Variants in SLC43A2 observed in about 807,000 individuals in gnomAD.
SLC43A2 encodes the protein large neutral amino acids transporter small subunit 4.
In SLC43A2, 38 loss-of-function variants were observed where a neutral mutation model predicts 63.2. The observed-to-expected ratio is 0.60, with a 90% CI of 0.46 to 0.79. The LOEUF is 0.79. Among genes scored for constraint, SLC43A2 ranks in the 30% least tolerant of loss-of-function variants. The pLI is 0.00. For synonymous variants in SLC43A2, 322 were observed against 331.0 expected (o/e 0.97, Z 0.30); for missense variants, 644 against 756.2 (o/e 0.85, Z 1.74).
intron 9 of SLC43A2, among the ~76,000 whole-genome samples, chr17:1,588,851 C>G (rs1163009469): frequency 2.6e-5 from 4 of 152,238 alleles, no homozygotes; most frequent in Non-Finnish European, 5.9e-5. Context: ...CCTGGAGTCT[C>G]CATTCGGAAC....
chr17:1,627,969 G>A lies in SLC43A2; in HGVS notation c.-46-49C>T, dbSNP rs926657001. On this transcript the variant is annotated intron_variant, in intron 1 of 13. Coordinates refer to ENST00000301335, the MANE Select transcript of SLC43A2 (RefSeq NM_152346.3). ...CGGCCGGCCCTTGCCCAGCCCCTGCGGCCGCCCCCAGCAGCCCCGACCGCT... is the reference window on the plus strand; with the variant it reads ...CGGCCGGCCCTTGCCCAGCCCCTGCAGCCGCCCCCAGCAGCCCCGACCGCT... 3.4e-5 allele frequency: 45 copies of A among 1,313,584 alleles called. No individual in the cohort carries two copies. The Admixed American group carries it at 5.1e-4, about 15-fold the overall frequency. The allele number at this position is 1,313,584 out of a possible 1,614,324, so 81.4% of individuals were successfully genotyped here. A position where few individuals can be genotyped will look rare whatever the true frequency, so the allele number is the denominator to read the frequency against.
intron 5 of SLC43A2, among the ~76,000 whole-genome samples, chr17:1,610,121 T>C (rs759340309): frequency 6.6e-6 from 1 of 152,158 alleles, no homozygotes; most frequent in Non-Finnish European, 1.5e-5. Flanking sequence ...TTCACCATGT[T>C]GGCCAGGCTG....
intron 9 of SLC43A2, chr17:1,586,928 T>TGCCCCC: frequency 1.6e-6 from 2 of 1,232,908 alleles, no homozygotes; most frequent in Non-Finnish European, 2.2e-6. Context: ...TCCCTGACAA[T>TGCCCCC]CCCCCCCACC....
chr17:1,576,531 C>T (rs2075933537), intron 13 of SLC43A2, 66 bp downstream of exon 13: 8 of 1,535,474 alleles, frequency 5.2e-6, no homozygotes, highest in Admixed American at 2.0e-5. Flanking sequence ...CGAGGGGGAC[C>T]TTGCAGCTCG....
chr17:1,591,053 C>A, intron 8 of SLC43A2, 105 bp from the exon 9 acceptor site: 1 of 1,364,494 alleles, frequency 7.3e-7, no homozygotes, highest in Non-Finnish European at 1.0e-6. Context: ...GCCCTCGGGA[C>A]GGGCCTGGTG....
Position 1,627,871 on chromosome 17 carries a change from C to T in SLC43A2, c.4G>A (p.Ala2Thr), listed in dbSNP as rs766990367. The T allele has an allele frequency of 6.4e-7, 1 of 1,565,174 alleles. No individual in the cohort carries two copies. Among genetic ancestry groups the T allele is most frequent in the South Asian group, 1.2e-5 (1 of 85,488 alleles). Residue 2 changes from alanine to threonine, a missense_variant, in exon 2 of 14, where the codon GCG becomes ACG. This residue lies in a region of SLC43A2 where 528 missense variants were observed against 623.6 expected (regional missense o/e 0.85). Coordinates refer to ENST00000301335, the MANE Select transcript of SLC43A2 (RefSeq NM_152346.3). Reference protein sequence around the residue: MAPTLATAHRRR... With the variant: MTPTLATAHRRR... ...CGATGGGCAGTGGCCAGGGTGGGCG[C>T]CATGGTGCGGCGCGGCGCGGCTCCG...
intron 11 of SLC43A2, among the ~76,000 whole-genome samples, chr17:1,580,618 G>C (rs924074445): frequency 1.3e-5 from 2 of 151,932 alleles, no homozygotes; most frequent in Admixed American, 6.6e-5. Flanking sequence ...CTGGAGTGCA[G>C]TGGTGTGGTC....
At chr17:1,623,763 T>C in intron 2 of SLC43A2, among the ~76,000 whole-genome samples, 1 of 133,826 alleles carries the variant, frequency 7.5e-6, no homozygotes, top group Non-Finnish European at 1.6e-5. Flanking sequence ...TACCCTCCTC[T>C]CCTCCAGGCT....
At position 1,591,358 on chromosome 17, in the gene SLC43A2, C is replaced by T. The variant is rs1406523597; in HGVS notation, c.842G>A (p.Ser281Asn). Residue 281 changes from serine (S) to asparagine (N), a missense_variant, in exon 8 of 14, where the codon AGT (serine) becomes AAT (asparagine). This residue lies in a region of SLC43A2 where 528 missense variants were observed against 623.6 expected (regional missense o/e 0.85). Coordinates refer to ENST00000301335, the MANE Select transcript of SLC43A2 (RefSeq NM_152346.3). ...RRLSVGSSMR[S>N]AKEQVALQEG... is the part of the protein sequence containing the mutation. The stretch of plus-strand genomic sequence containing the variant: ...CTGCAGCGCCACCTGCTCCTTGGCA[C>T]TCCTCATGGAGCTGCCCACACTCAG... 6 of 1,611,544 alleles carry T rather than the reference C, an allele frequency of 3.7e-6. No homozygotes were observed. Among genetic ancestry groups the T allele is most frequent in the Non-Finnish European group, 5.1e-6 (6 of 1,179,976 alleles).
intron 5 of SLC43A2, among the ~76,000 whole-genome samples, chr17:1,607,203 G>A (rs956035047): frequency 6.6e-6 from 1 of 152,184 alleles, no homozygotes; most frequent in Non-Finnish European, 1.5e-5. Context: ...GTTGAAGATT[G>A]GAGTTAGAAA....
chr17:1,593,313 G>A lies in SLC43A2; in HGVS notation c.502-34C>T, dbSNP rs748289169. On this transcript the variant is annotated intron_variant, in intron 5 of 13. Coordinates refer to ENST00000301335, the MANE Select transcript of SLC43A2 (RefSeq NM_152346.3). The surrounding 1 kb of genome is among the most constrained non-coding windows in gnomAD (Gnocchi z 5.3). ...TAAGAAGCAGAGAAACCTCAGTGGG[G>A]AGGATGCACCAGGGAAGGGGAGGAG... 4.4e-6 allele frequency: 7 copies of A among 1,595,332 alleles called. No homozygotes were observed. In the Admixed American group the frequency reaches 6.8e-5, roughly 15 times the overall value.
At chr17:1,609,791 G>T (rs972069921) in intron 5 of SLC43A2, among the ~76,000 whole-genome samples, 38 of 149,758 alleles carry the variant, frequency 2.5e-4, no homozygotes, top group African/African-American at 9.3e-4. Flanking sequence ...GATACATTAA[G>T]GGAAAAGGCA....
Position 1,605,349 on chromosome 17 carries a change from G to T in SLC43A2, c.501+7846C>A. On this transcript the variant is annotated intron_variant, in intron 5 of 13. Transcript: ENST00000301335. The surrounding 1 kb of genome is among the most constrained non-coding windows in gnomAD (Gnocchi z 4.9). The stretch of plus-strand genomic sequence containing the variant: ...CCCTGGCATTCTGGCCATAGAGCAT[G>T]ACCACCGGACAGGAGTGCCTGCAGG... The T allele has an allele frequency of 2.0e-6, 1 of 489,452 alleles. No individual in the cohort carries two copies. The highest frequency in any genetic ancestry group is 2.7e-6 in the Non-Finnish European group (1 of 367,822). The allele number at this position is 489,452 out of a possible 1,614,324, so 30.3% of individuals were successfully genotyped here.
intron 9 of SLC43A2, among the ~76,000 whole-genome samples, chr17:1,589,604 C>T (rs1904554571): frequency 6.6e-6 from 1 of 152,126 alleles, no homozygotes; most frequent in Admixed American, 6.6e-5. Flanking sequence ...TAGGGTTCCC[C>T]AAAGTGTGTT....
At chr17:1,604,468 TC>T (rs1322005010) in intron 5 of SLC43A2, 1 of 512,170 alleles carries the variant, frequency 2.0e-6, no homozygotes, top group Non-Finnish European at 3.5e-6. Context: ...TTTGACCTGC[TC>T]TGTTTCTGAC....
At chr17:1,585,590 G>C (rs1279524710) in intron 10 of SLC43A2, 1 of 1,063,526 alleles carries the variant, frequency 9.4e-7, no homozygotes, top group Non-Finnish European at 1.2e-6. Flanking sequence ...GGCTGGCCAT[G>C]TTTCCCAGGC....
intron 2 of SLC43A2, among the ~76,000 whole-genome samples, chr17:1,624,924 C>T (rs948766260): frequency 3.9e-5 from 6 of 152,176 alleles, no homozygotes; most frequent in South Asian, 4.1e-4. Context: ...CACAGGTAGC[C>T]GCAGCCCCCC....
At chr17:1,581,674 G>A (rs2076016046) in intron 11 of SLC43A2, among the ~76,000 whole-genome samples, 1 of 152,140 alleles carries the variant, frequency 6.6e-6, no homozygotes, top group Non-Finnish European at 1.5e-5. Flanking sequence ...TTAGGGATTG[G>A]GCCAAAACCT....
At chr17:1,619,198 A>T (rs894736497) in intron 2 of SLC43A2, among the ~76,000 whole-genome samples, 1 of 151,466 alleles carries the variant, frequency 6.6e-6, no homozygotes, top group Non-Finnish European at 1.5e-5. Flanking sequence ...GCTACTCGGG[A>T]GGCTGAGACA....
Sources: allele counts gnomAD v4.1 joint callset (sites outside exome capture counted in the v4.1 genomes callset), GRCh38; gene constraint gnomAD v4.1.1; regional missense constraint gnomAD v4.1.1; non-coding constraint Gnocchi (gnomAD v3.1); transcripts MANE v1.5; gene names NCBI Gene and HGNC (gene_info 2026-07-23, HGNC 2026-07-21).